Variants in SYTL5 observed in about 807,000 individuals in gnomAD.
SYTL5 encodes synaptotagmin like 5.
A neutral mutation model predicts 55.9 loss-of-function variants in SYTL5; 34 were observed. That is an observed-to-expected ratio of 0.61 (90% CI 0.46 to 0.81). The LOEUF is 0.81. Ranked by LOEUF, SYTL5 falls within the 30% of genes least tolerant of loss-of-function variation. The pLI is 0.00. For missense variants in SYTL5, 637 were observed against 546.7 expected, an observed-to-expected ratio of 1.17 and a Z score of -1.65; for synonymous variants, 221 against 188.7, an observed-to-expected ratio of 1.17 and a Z score of -1.40.
chrX:37,937,555 T>C, the SYTL5 span, among the ~76,000 whole-genome samples: 49 of 111,828 alleles, frequency 4.4e-4, no homozygotes, highest in African/African-American at 1.6e-3. Context: ...CCCCAAAGCC[T>C]CTTGAAAAGA....
At chrX:38,003,408 C>T (rs1327807792), upstream of SYTL5, among the ~76,000 whole-genome samples, 1 of 111,524 alleles carries the variant, frequency 9.0e-6, no homozygotes, top group African/African-American at 3.3e-5. Context: ...GTACAAAAAT[C>T]ACAAGCATTT....
the SYTL5 span, among the ~76,000 whole-genome samples, chrX:37,912,437 A>G: frequency 8.9e-5 from 10 of 112,221 alleles, no homozygotes; most frequent in South Asian, 1.1e-3. Context: ...TAACCTGGTC[A>G]GAGTGTCTGG....
chrX:37,897,601 G>C, the SYTL5 span, among the ~76,000 whole-genome samples: 79 of 111,405 alleles, frequency 7.1e-4, no homozygotes, highest in African/African-American at 2.5e-3. Flanking sequence ...GAGCTGAACC[G>C]ATCAGTTTCT....
rs761230675 is a variant in SYTL5, at chrX:38,108,617, T to C, written c.1352T>C (p.Leu451Pro). ...QRTDAYVKSY[L>P]LPDKSRNNKR... ...ATCTATAGTTATGTCAAGTCATATCTTCTTCCTGACAAGTCCCGGAACAAC... is the reference window on the plus strand; with the variant it reads ...ATCTATAGTTATGTCAAGTCATATCCTCTTCCTGACAAGTCCCGGAACAAC... Residue 451 changes from leucine to proline, a missense_variant, in exon 12 of 17, where the codon CTT becomes CCT. Physicochemically the swap from Leu to Pro is moderately conservative, Grantham distance 98 (BLOSUM62 -3). Coordinates refer to ENST00000297875, the MANE Select transcript of SYTL5 (RefSeq NM_138780.3). 3 of 1,193,374 alleles carry C rather than the reference T, an allele frequency of 2.5e-6. No individual in the cohort carries two copies. The highest frequency in any genetic ancestry group is 1.8e-5 in the African/African-American group (1 of 56,280).
At chrX:38,114,728 T>C (rs772315519) in intron 13 of SYTL5, among the ~76,000 whole-genome samples, 4 of 111,587 alleles carry the variant, frequency 3.6e-5, no homozygotes, top group African/African-American at 9.8e-5. Context: ...ATACAAAACA[T>C]TGTTATTATT....
At chrX:38,089,161 G>A (rs1936733022) in intron 6 of SYTL5, among the ~76,000 whole-genome samples, 1 of 112,306 alleles carries the variant, frequency 8.9e-6, no homozygotes, top group African/African-American at 3.2e-5. Flanking sequence ...AAATGGTAAG[G>A]AACCCAGACT....
the SYTL5 span, among the ~76,000 whole-genome samples, chrX:37,939,415 T>C: frequency 3.6e-5 from 4 of 112,184 alleles, no homozygotes; most frequent in African/African-American, 1.3e-4. Context: ...CTTCTATCCT[T>C]CCTCTGCTGT....
the SYTL5 span, among the ~76,000 whole-genome samples, chrX:37,960,720 T>C: frequency 9.0e-6 from 1 of 110,531 alleles, no homozygotes; most frequent in Non-Finnish European, 1.9e-5. Context: ...GCACCATTTA[T>C]GGCAATGCAG....
At chrX:38,081,852 G>A (rs187695842) in intron 6 of SYTL5, among the ~76,000 whole-genome samples, 1 of 111,634 alleles carries the variant, frequency 9.0e-6, no homozygotes, top group East Asian at 2.8e-4. Context: ...GACTTGCCCT[G>A]TTCACAGGGG....
chrX:37,912,091 CAA>C, the SYTL5 span, among the ~76,000 whole-genome samples: 4 of 112,128 alleles, frequency 3.6e-5, no homozygotes, highest in Non-Finnish European at 5.6e-5. Context: ...ACAACTTTTC[CAA>C]AGTTATGCCA....
At chrX:37,912,996 T>A in the SYTL5 span, among the ~76,000 whole-genome samples, 1 of 111,837 alleles carries the variant, frequency 8.9e-6, no homozygotes, top group Non-Finnish European at 1.9e-5. Context: ...AATTGTGTTG[T>A]GTGGTACTTC....
At chrX:38,069,351 C>T (rs1177745317) in intron 3 of SYTL5, among the ~76,000 whole-genome samples, 1 of 112,046 alleles carries the variant, frequency 8.9e-6, no homozygotes, top group Non-Finnish European at 1.9e-5. Context: ...AGGCTGAAAT[C>T]AAGGTGTTGG....
chrX:38,102,996 T>C (rs1373191825), intron 10 of SYTL5: 5 of 1,077,529 alleles, frequency 4.6e-6, no homozygotes, highest in Non-Finnish European at 1.3e-6. Context: ...ATGCTTTTTT[T>C]CTTTTGATCT....
chrX:38,091,158 G>A (rs1271886273), intron 7 of SYTL5, among the ~76,000 whole-genome samples: 1 of 111,879 alleles, frequency 8.9e-6, no homozygotes, highest in East Asian at 2.8e-4. Context: ...GTGAAAGCCA[G>A]AAAAGCAATC....
At chrX:37,978,227 A>G in the SYTL5 span, among the ~76,000 whole-genome samples, 1 of 111,423 alleles carries the variant, frequency 9.0e-6, no homozygotes, top group South Asian at 3.8e-4. Flanking sequence ...GGTTTGGGGA[A>G]TATTTCTAAG....
chrX:38,109,150 A>G (rs1354931906), intron 12 of SYTL5, among the ~76,000 whole-genome samples: 2 of 112,443 alleles, frequency 1.8e-5, no homozygotes, highest in Admixed American at 9.4e-5. Flanking sequence ...AAATGTAGGT[A>G]TGTGGTTAAT....
At chrX:38,007,279 T>C (rs191387711) in intron 1 of SYTL5, among the ~76,000 whole-genome samples, 21 of 111,989 alleles carry the variant, frequency 1.9e-4, no homozygotes, top group African/African-American at 6.4e-4. Context: ...AATATGATAC[T>C]GTAACAGCTT....
the SYTL5 span, among the ~76,000 whole-genome samples, chrX:37,912,544 C>T: frequency 9.0e-6 from 1 of 111,551 alleles, no homozygotes; most frequent in Non-Finnish European, 1.9e-5. Flanking sequence ...GCACCCAACA[C>T]CCTCAAACCT....
the SYTL5 span, among the ~76,000 whole-genome samples, chrX:37,900,364 T>G: frequency 8.9e-6 from 1 of 112,147 alleles, no homozygotes; most frequent in Non-Finnish European, 1.9e-5. Flanking sequence ...AAGACATAAA[T>G]GAATATGATA....
Sources: allele counts gnomAD v4.1 joint callset (sites outside exome capture counted in the v4.1 genomes callset), GRCh38; gene constraint gnomAD v4.1.1; transcripts MANE v1.5; gene names NCBI Gene and HGNC (gene_info 2026-07-23, HGNC 2026-07-21).